Variants in NLRP14 observed in about 807,000 individuals in gnomAD.
NLRP14 encodes NLR family pyrin domain containing 14.
A neutral mutation model predicts 94.7 loss-of-function variants in NLRP14; 105 were observed. That is an observed-to-expected ratio of 1.11 (90% CI 0.95 to 1.30). The LOEUF (loss-of-function observed/expected upper bound fraction) is 1.30. NLRP14 is among the 50% of genes most tolerant of loss of function. The pLI, the probability that NLRP14 is intolerant of heterozygous loss-of-function variation, is 0.00. For synonymous variants in NLRP14, 508 were observed against 459.9 expected (o/e 1.10, Z -1.34); for missense variants, 1,362 against 1,254.1 (o/e 1.09, Z -1.30).
At chr11:7,061,088 A>T (rs76878188) in intron 9 of NLRP14, among the ~76,000 whole-genome samples, 4,662 of 152,138 alleles carry the variant, frequency 0.031, 139 homozygotes, top group East Asian at 0.13. Context: ...TAGAGCTATA[A>T]AGTCAAGCTC....
the NLRP14 span, among the ~76,000 whole-genome samples, chr11:7,082,272 T>C: frequency 7.9e-5 from 12 of 152,298 alleles, no homozygotes; most frequent in Admixed American, 7.2e-4. Flanking sequence ...TTCCAATTCA[T>C]TTGACTATCG....
intron 6 of NLRP14, among the ~76,000 whole-genome samples, chr11:7,056,760 C>T (rs927240197): frequency 6.6e-6 from 1 of 151,904 alleles, no homozygotes; most frequent in Non-Finnish European, 1.5e-5. Context: ...GGTACATATA[C>T]ATTTGTGTCC....
At chr11:7,022,797 T>C (rs975971096) in intron 1 of NLRP14, among the ~76,000 whole-genome samples, 6 of 152,158 alleles carry the variant, frequency 3.9e-5, no homozygotes, top group Non-Finnish European at 8.8e-5. Context: ...AATAGAGATA[T>C]AGCTGCAATT....
the NLRP14 span, chr11:7,089,258 C>T: frequency 6.2e-7 from 1 of 1,611,572 alleles, no homozygotes; most frequent in Non-Finnish European, 8.5e-7. Flanking sequence ...GAGAAACCAA[C>T]AAGTCGAGGG....
intron 1 of NLRP14, among the ~76,000 whole-genome samples, chr11:7,034,728 C>G (rs1226051702): frequency 6.6e-6 from 1 of 152,188 alleles, no homozygotes; most frequent in Non-Finnish European, 1.5e-5. Context: ...TAAGTCCCTT[C>G]TTTCCTAAGT....
rs200710011 is a variant in NLRP14, at chr11:7,071,233, C to T, written c.3207C>T (p.Ser1069=). ...AGCTGCTGGAAGCTGTGGGAGTTAGCAATCCACACTTAATCATTAAGCCAG... is the reference window on the plus strand; with the variant it reads ...AGCTGCTGGAAGCTGTGGGAGTTAGTAATCCACACTTAATCATTAAGCCAG... ...AQKLLEAVGV[S]NPHLIIKPDC... The change falls in exon 12 of 12, where the codon AGC becomes AGT. Residue 1069 remains serine, a synonymous_variant. Coordinates refer to ENST00000299481, the MANE Select transcript of NLRP14 (RefSeq NM_176822.4). The T allele has an allele frequency of 6.2e-7, 1 of 1,612,698 alleles. No homozygotes were observed. The highest frequency in any genetic ancestry group is 2.2e-5 in the East Asian group (1 of 44,762).
At chr11:7,080,607 C>G in the NLRP14 span, among the ~76,000 whole-genome samples, 1 of 152,174 alleles carries the variant, frequency 6.6e-6, no homozygotes, top group South Asian at 2.1e-4. Flanking sequence ...CTAGCCAGAG[C>G]TATGGTCACA....
At chr11:7,056,046 G>A (rs182013309) in intron 6 of NLRP14, among the ~76,000 whole-genome samples, 26 of 151,984 alleles carry the variant, frequency 1.7e-4, no homozygotes, top group Admixed American at 9.2e-4. Context: ...TTGAATCACT[G>A]GTGATTGATG....
chr11:7,030,509 A>T (rs1852074884), intron 1 of NLRP14, among the ~76,000 whole-genome samples: 1 of 151,982 alleles, frequency 6.6e-6, no homozygotes, highest in African/African-American at 2.4e-5. Context: ...GAGAAATAGG[A>T]CCCACCCCCA....
intron 3 of NLRP14, among the ~76,000 whole-genome samples, chr11:7,041,599 T>G (rs949361993): frequency 2.0e-5 from 3 of 152,218 alleles, no homozygotes; most frequent in African/African-American, 7.2e-5. Context: ...TATTTGACAC[T>G]TATGTGCACG....
intron 1 of NLRP14, among the ~76,000 whole-genome samples, chr11:7,025,979 C>A (rs534062742): frequency 2.0e-5 from 3 of 152,224 alleles, no homozygotes; most frequent in African/African-American, 7.2e-5. Context: ...AACCTTATAA[C>A]CCTAGAATTG....
At chr11:7,090,385 A>G in the NLRP14 span, 7 of 1,423,698 alleles carry the variant, frequency 4.9e-6, no homozygotes, top group East Asian at 5.0e-5. Flanking sequence ...CCCAAGGACT[A>G]GTACAAGGAA....
chr11:7,090,265 G>A, the NLRP14 span: 3 of 1,606,644 alleles, frequency 1.9e-6, no homozygotes, highest in South Asian at 2.2e-5. Context: ...CTAGGAGGCC[G>A]CTTGGAGAGA....
intron 5 of NLRP14, among the ~76,000 whole-genome samples, chr11:7,048,582 G>A (rs1852394748): frequency 6.6e-6 from 1 of 152,192 alleles, no homozygotes; most frequent in Admixed American, 6.5e-5. Flanking sequence ...AGTGAGTTCT[G>A]ACCTTAGATT....
downstream of NLRP14, among the ~76,000 whole-genome samples, chr11:7,071,826 G>T (rs900510465): frequency 2.0e-5 from 3 of 151,922 alleles, no homozygotes; most frequent in Non-Finnish European, 4.4e-5. Flanking sequence ...CTAGCAACCA[G>T]CATTTTTGAG....
intron 2 of NLRP14, 36 bp from the exon 3 acceptor site, chr11:7,039,678 C>T (rs1589860494): frequency 2.0e-6 from 3 of 1,530,916 alleles, no homozygotes; most frequent in East Asian, 2.2e-5. Context: ...ACTTTGTTTT[C>T]ATTAAATATC....
At chr11:7,025,501 A>G (rs1404211950) in intron 1 of NLRP14, among the ~76,000 whole-genome samples, 1 of 152,186 alleles carries the variant, frequency 6.6e-6, no homozygotes, top group Non-Finnish European at 1.5e-5. Flanking sequence ...AAGATATAAA[A>G]TAAATAATAA....
At chr11:7,082,011 A>G in the NLRP14 span, among the ~76,000 whole-genome samples, 1 of 152,154 alleles carries the variant, frequency 6.6e-6, no homozygotes, top group South Asian at 2.1e-4. Flanking sequence ...TCATTAGCAT[A>G]AACTCAGGCA....
At chr11:7,072,619 C>A (rs11041160), downstream of NLRP14, among the ~76,000 whole-genome samples, 1 of 152,062 alleles carries the variant, frequency 6.6e-6, no homozygotes, top group Non-Finnish European at 1.5e-5. Flanking sequence ...CCTGTCACCA[C>A]TTGTGAGAGG....
Sources: allele counts gnomAD v4.1 joint callset (sites outside exome capture counted in the v4.1 genomes callset), GRCh38; gene constraint gnomAD v4.1.1; transcripts MANE v1.5; gene names NCBI Gene and HGNC (gene_info 2026-07-23, HGNC 2026-07-21).